The following PCDH15 variants were observed in gnomAD, a reference collection of about 807,000 sequenced individuals.
PCDH15 encodes protocadherin related 15, also known as protocadherin-15.
A neutral mutation model predicts 178.5 loss-of-function variants in PCDH15; 129 were observed. The observed-to-expected ratio is 0.72, with a 90% CI of 0.63 to 0.84. The LOEUF (loss-of-function observed/expected upper bound fraction) is 0.84, where lower values mean the gene tolerates loss of function less well. Ranked by LOEUF, PCDH15 falls within the 40% of genes least tolerant of loss-of-function variation. The probability of loss-of-function intolerance (pLI) is 0.00; values close to 1 mark genes in which losing one functional copy is unlikely to be tolerated. For synonymous variants in PCDH15, 800 were observed against 732.0 expected (o/e 1.09, Z -1.50); for missense variants, 2,230 against 2,099.9 (o/e 1.06, Z -1.21).
chr10:55,417,931 A>T (rs1434070170), intron 2 of PCDH15, among the ~76,000 whole-genome samples: 1 of 151,674 alleles, frequency 6.6e-6, no homozygotes, highest in Non-Finnish European at 1.5e-5. Context: ...TAGTATCTCA[A>T]GAAAAAAAAT....
chr10:53,833,885 A>C (rs2077153522), intron 29 of PCDH15, among the ~76,000 whole-genome samples: 1 of 152,110 alleles, frequency 6.6e-6, no homozygotes, highest in Non-Finnish European at 1.5e-5. Context: ...TTTAATTTTC[A>C]CATGCCTTCT....
intron 6 of PCDH15, 67 bp downstream of exon 6, chr10:54,346,298 T>C: frequency 2.7e-6 from 4 of 1,467,898 alleles, no homozygotes; most frequent in South Asian, 2.3e-5. Flanking sequence ...ACAATAACTA[T>C]CAGCTGAAAA....
chr10:53,960,163 G>C (rs552928393), intron 22 of PCDH15, among the ~76,000 whole-genome samples: 19 of 152,220 alleles, frequency 1.2e-4, no homozygotes, highest in Non-Finnish European at 2.2e-4. Flanking sequence ...TCCAATTAAA[G>C]ACTCATTTCT....
At chr10:55,457,286 T>C (rs1357884778) in intron 2 of PCDH15, among the ~76,000 whole-genome samples, 1 of 152,068 alleles carries the variant, frequency 6.6e-6, no homozygotes, top group Non-Finnish European at 1.5e-5. Context: ...AATAATCAAC[T>C]AAAATTCAAT....
intron 3 of PCDH15, among the ~76,000 whole-genome samples, chr10:54,482,298 C>A (rs1286204894): frequency 6.6e-6 from 1 of 151,490 alleles, no homozygotes; most frequent in African/African-American, 2.4e-5. Context: ...TCTTCAGTAA[C>A]AAAATAATAC....
intron 2 of PCDH15, among the ~76,000 whole-genome samples, chr10:54,659,935 A>C (rs1375768901): frequency 6.6e-6 from 1 of 152,104 alleles, no homozygotes. Context: ...CAATGAAAGC[A>C]GTGTTAAGAG....
intron 21 of PCDH15, among the ~76,000 whole-genome samples, chr10:53,992,537 T>A (rs2091593851): frequency 6.6e-6 from 1 of 152,230 alleles, no homozygotes; most frequent in Non-Finnish European, 1.5e-5. Context: ...TTTATCCCAA[T>A]TATTCCATGT....
At chr10:55,104,642 A>G (rs1842636522) in intron 2 of PCDH15, among the ~76,000 whole-genome samples, 1 of 152,170 alleles carries the variant, frequency 6.6e-6, no homozygotes, top group African/African-American at 2.4e-5. Context: ...TGGTCCTAAA[A>G]TGCTGGATTC....
At chr10:53,940,753 C>G (rs1436459682) in intron 24 of PCDH15, 113 bp downstream of exon 24, 1 of 811,850 alleles carries the variant, frequency 1.2e-6, no homozygotes, top group African/African-American at 1.7e-5. Context: ...TTAAGATGGG[C>G]ACAATTTTAT....
intron 29 of PCDH15, 82 bp downstream of exon 29, chr10:53,840,238 A>G: frequency 1.4e-6 from 2 of 1,473,546 alleles, no homozygotes; most frequent in Non-Finnish European, 1.9e-6. Context: ...TTTAAACTTT[A>G]AGTACTTATA....
At chr10:55,138,783 T>C (rs530088919) in intron 2 of PCDH15, among the ~76,000 whole-genome samples, 3 of 152,266 alleles carry the variant, frequency 2.0e-5, no homozygotes, top group African/African-American at 7.2e-5. Flanking sequence ...CTCCTCCCTA[T>C]ACCATCAACC....
At chr10:55,559,456 C>A (rs1445666377) in intron 2 of PCDH15, among the ~76,000 whole-genome samples, 1 of 151,808 alleles carries the variant, frequency 6.6e-6, no homozygotes, top group Non-Finnish European at 1.5e-5. Flanking sequence ...TTATAAATGA[C>A]AAGCACTATA....
At chr10:55,049,543 C>T (rs1321609406) in intron 2 of PCDH15, among the ~76,000 whole-genome samples, 2 of 151,812 alleles carry the variant, frequency 1.3e-5, no homozygotes, top group African/African-American at 4.8e-5. Flanking sequence ...AAGTGCAGGG[C>T]TGAGAAAAAC....
chr10:55,417,145 C>A (rs1838502671), intron 2 of PCDH15, among the ~76,000 whole-genome samples: 1 of 151,852 alleles, frequency 6.6e-6, no homozygotes, highest in South Asian at 2.1e-4. Flanking sequence ...AATTCATTCT[C>A]CATAAATAGC....
At chr10:54,997,046 T>C (rs1242026606) in intron 2 of PCDH15, among the ~76,000 whole-genome samples, 1 of 150,036 alleles carries the variant, frequency 6.7e-6, no homozygotes, top group Non-Finnish European at 1.5e-5. Context: ...GAGGTGGAGG[T>C]TGCAGTGAGC....
intron 21 of PCDH15, among the ~76,000 whole-genome samples, chr10:53,971,064 C>A (rs966215451): frequency 6.6e-5 from 10 of 152,170 alleles, no homozygotes; most frequent in African/African-American, 2.4e-4. Flanking sequence ...CCAAATCCAG[C>A]AGCACATCAA....
chr10:55,585,707 C>A (rs951000697), intron 2 of PCDH15, among the ~76,000 whole-genome samples: 3 of 151,728 alleles, frequency 2.0e-5, no homozygotes, highest in African/African-American at 7.3e-5. Context: ...TGTATACATA[C>A]ATACATCTCA....
intron 2 of PCDH15, among the ~76,000 whole-genome samples, chr10:54,930,520 T>C (rs560870967): frequency 1.3e-5 from 2 of 152,194 alleles, no homozygotes; most frequent in Non-Finnish European, 2.9e-5. Context: ...ACGATGCTGC[T>C]TCAATTTGTT....
At chr10:55,566,014 C>A (rs559735324) in intron 2 of PCDH15, among the ~76,000 whole-genome samples, 1 of 151,556 alleles carries the variant, frequency 6.6e-6, no homozygotes, top group African/African-American at 2.4e-5. Flanking sequence ...ATACCATAGA[C>A]GTATCCTTTA....
Sources: gnomAD v4.1 joint callset for allele counts (sites outside exome capture counted in the v4.1 genomes callset) on GRCh38, gnomAD v4.1.1 for gene constraint, MANE v1.5 for transcripts, NCBI Gene and HGNC (gene_info 2026-07-23, HGNC 2026-07-21) for gene names.